KIF2A: variants seen among roughly 807,000 people sequenced by gnomAD.
KIF2A encodes the protein kinesin family member 2A.
A neutral mutation model predicts 100.2 loss-of-function variants in KIF2A; 22 were observed. That is an observed-to-expected ratio of 0.22 (90% CI 0.16 to 0.31). KIF2A has a LOEUF of 0.31. Among genes scored for constraint, KIF2A ranks in the 10% least tolerant of loss-of-function variants. The probability of loss-of-function intolerance (pLI) is 1.00; values close to 1 mark genes in which losing one functional copy is unlikely to be tolerated. For missense variants in KIF2A, 495 were observed against 898.7 expected, an observed-to-expected ratio of 0.55 and a Z score of 5.74; for synonymous variants, 268 against 285.9, an observed-to-expected ratio of 0.94 and a Z score of 0.63.
chr5:62,356,165 TGTTA>T (rs1239734838), intron 7 of KIF2A, among the ~76,000 whole-genome samples: 1 of 152,216 alleles, frequency 6.6e-6, no homozygotes, highest in Non-Finnish European at 1.5e-5. Context: ...ATACAGAATG[TGTTA>T]GTTACAAAAA....
intron 9 of KIF2A, among the ~76,000 whole-genome samples, chr5:62,360,742 G>A (rs1748366503): frequency 6.6e-6 from 1 of 151,772 alleles, no homozygotes; most frequent in African/African-American, 2.4e-5. Context: ...TTCCTAAATT[G>A]AGAGTGTCAA....
At chr5:62,383,350 C>T (rs1251706951) in intron 20 of KIF2A, among the ~76,000 whole-genome samples, 5 of 146,138 alleles carry the variant, frequency 3.4e-5, no homozygotes, top group African/African-American at 1.3e-4. Context: ...TCATGCCATT[C>T]TCCTGCCTCA....
At chr5:62,345,265 G>A (rs1747500061) in intron 1 of KIF2A, among the ~76,000 whole-genome samples, 2 of 152,130 alleles carry the variant, frequency 1.3e-5, no homozygotes, top group South Asian at 2.1e-4. Flanking sequence ...GCACGTGCCT[G>A]TAATCCCAGC....
chr5:62,335,309 C>T (rs535026793), intron 1 of KIF2A, among the ~76,000 whole-genome samples: 33 of 152,308 alleles, frequency 2.2e-4, no homozygotes, highest in Admixed American at 1.4e-3. Context: ...CTGAGAGACC[C>T]AGTGCCCTGC....
intron 20 of KIF2A, among the ~76,000 whole-genome samples, chr5:62,383,891 G>T (rs1257667927): frequency 6.6e-6 from 1 of 151,980 alleles, no homozygotes; most frequent in Non-Finnish European, 1.5e-5. Flanking sequence ...TTACTATCTA[G>T]ATATATTGCA....
intron 6 of KIF2A, 146 bp downstream of exon 6, chr5:62,353,521 A>T (rs1426705856): frequency 2.1e-6 from 1 of 480,214 alleles, no homozygotes; most frequent in African/African-American, 2.0e-5. Flanking sequence ...GGAATAATAT[A>T]AACTCTTGTG....
intron 16 of KIF2A, among the ~76,000 whole-genome samples, chr5:62,369,869 T>C (rs1267881626): frequency 6.6e-6 from 1 of 152,244 alleles, no homozygotes; most frequent in African/African-American, 2.4e-5. Flanking sequence ...TGAAGTGTTA[T>C]TTCTCAGGAC....
At chr5:62,315,594 G>T (rs1745781114) in intron 1 of KIF2A, among the ~76,000 whole-genome samples, 1 of 152,206 alleles carries the variant, frequency 6.6e-6, no homozygotes, top group Admixed American at 6.5e-5. Context: ...AAACAAAGCT[G>T]TCAGGTGAAG....
Position 62,310,070 on chromosome 5 carries a change from CTTTTTT to C in KIF2A, c.64+3546_64+3551del, listed in dbSNP as rs5868308. On this transcript the variant is annotated intron_variant, in intron 1 of 20. Coordinates refer to ENST00000407818, the MANE Select transcript of KIF2A (RefSeq NM_001098511.3). The stretch of plus-strand genomic sequence containing the variant: ...TGGGACTTACTAATAACTAATAATT[CTTTTTT>C]TTTTTTTTTTTGAGACAGAGTCTCG... 4.9e-3 allele frequency among the ~76,000 whole-genome samples: 700 copies of C among 142,802 alleles called. 4 individuals carry two copies. Among genetic ancestry groups the C allele is most frequent in the African/African-American group, 0.017 (661 of 37,802 alleles). The allele number at this position is 142,802 out of a possible 152,430, so 93.7% of individuals were successfully genotyped here.
rs1030552085 is a variant in KIF2A at position 62,386,983 on chromosome 5, G to C, written c.*1414G>C. ...ATCTTGTTTTGATTTATTTACTCCA[G>C]GGAACTATCAGCTCCTTCACAGGAG... is the stretch of plus-strand genomic sequence containing the variant. On this transcript the variant is annotated 3_prime_UTR_variant, in exon 21 of 21. Transcript: ENST00000407818. Among the ~76,000 whole-genome samples the C allele has an allele frequency of 6.6e-6, 1 of 152,192 alleles. No individual in the cohort carries two copies. Among genetic ancestry groups the C allele is most frequent in the African/African-American group, 2.4e-5 (1 of 41,432 alleles).
At position 62,388,063 on chromosome 5, in the gene KIF2A, T is replaced by C. The variant is rs1409777219; in HGVS notation, c.*2494T>C. 1 of 152,182 alleles carries C rather than the reference T, an allele frequency of 6.6e-6. No individual in the cohort carries two copies. Among genetic ancestry groups the C allele is most frequent in the East Asian group, 1.9e-4 (1 of 5,208 alleles). 9.4% of individuals were successfully genotyped at this position (152,182 alleles called of 1,614,324 possible). ...ATATTGACTTAAACATAGTAGCTAA[T>C]AAAACTAGTTTATGACATCTATTGA... is the stretch of plus-strand genomic sequence containing the variant. On this transcript the variant is annotated 3_prime_UTR_variant, in exon 21 of 21. Transcript: ENST00000407818.
At chr5:62,339,142 G>T (rs1184833382) in intron 1 of KIF2A, among the ~76,000 whole-genome samples, 4 of 152,186 alleles carry the variant, frequency 2.6e-5, no homozygotes, top group Non-Finnish European at 5.9e-5. Context: ...TTTGCAGGAA[G>T]CATGATGCTG....
In KIF2A at chr5:62,389,003, C is replaced by T. The variant is rs962535152; in HGVS notation, c.*3434C>T. On this transcript the variant is annotated 3_prime_UTR_variant, in exon 21 of 21. Coordinates refer to ENST00000407818, the MANE Select transcript of KIF2A (RefSeq NM_001098511.3). Reference sequence around the variant, plus strand: ...CTTGACCTTGAAAATTTCTGTTTTCCAAATACCTAGGAAAAATGAATACCT... The same window carrying T: ...CTTGACCTTGAAAATTTCTGTTTTCTAAATACCTAGGAAAAATGAATACCT... 6.2e-6 allele frequency: 10 copies of T among 1,605,190 alleles called. No homozygotes were observed. The highest frequency in any genetic ancestry group is 8.5e-6 in the Non-Finnish European group (10 of 1,177,290).
At position 62,361,349 on chromosome 5, in the gene KIF2A, A is replaced by G; in HGVS notation, c.963+17A>G. 1.9e-6 allele frequency: 3 copies of G among 1,560,142 alleles called. No homozygotes were observed. Among genetic ancestry groups the G allele is most frequent in the Non-Finnish European group, 2.6e-6 (3 of 1,133,672 alleles). On this transcript the variant is annotated intron_variant, in intron 10 of 20. Coordinates refer to ENST00000407818, the MANE Select transcript of KIF2A (RefSeq NM_001098511.3). ...AAAACTCATGTAAGTAATTTATTAAAGTTACATTCTGGTACGAAGCTACAG... is the reference window on the plus strand; with the variant it reads ...AAAACTCATGTAAGTAATTTATTAAGGTTACATTCTGGTACGAAGCTACAG...
At chr5:62,332,290 T>C (rs1242861794) in intron 1 of KIF2A, among the ~76,000 whole-genome samples, 1 of 152,214 alleles carries the variant, frequency 6.6e-6, no homozygotes, top group Non-Finnish European at 1.5e-5. Context: ...TTCCATGTAT[T>C]TATTTTTCTT....
At chr5:62,372,284 TTTG>T (rs1326156426) in intron 16 of KIF2A, among the ~76,000 whole-genome samples, 151 bp from the exon 17 acceptor site, 1 of 152,252 alleles carries the variant, frequency 6.6e-6, no homozygotes, top group East Asian at 1.9e-4. Context: ...CCTCTTAAAA[TTTG>T]TTATTTGTAA....
chr5:62,340,919 G>T (rs973573907), intron 1 of KIF2A, among the ~76,000 whole-genome samples: 2 of 152,044 alleles, frequency 1.3e-5, no homozygotes, highest in African/African-American at 4.8e-5. Flanking sequence ...GGGTAAAGTT[G>T]GTTTTTAAAA....
chr5:62,314,836 C>T (rs554707361), intron 1 of KIF2A, among the ~76,000 whole-genome samples: 4 of 143,074 alleles, frequency 2.8e-5, no homozygotes, highest in South Asian at 2.3e-4. Flanking sequence ...GATCTTGGCT[C>T]GCTGCAACCT....
At chr5:62,364,274 A>G (rs1740954231) in intron 14 of KIF2A, among the ~76,000 whole-genome samples, 3 of 151,864 alleles carry the variant, frequency 2.0e-5, no homozygotes, top group Admixed American at 2.0e-4. Context: ...CAGCCTCTCC[A>G]GGAGCTGGGA....
Sources: allele counts gnomAD v4.1 joint callset (sites outside exome capture counted in the v4.1 genomes callset), GRCh38; gene constraint gnomAD v4.1.1; transcripts MANE v1.5; gene names NCBI Gene and HGNC (gene_info 2026-07-23, HGNC 2026-07-21).